ADK: variants seen among roughly 807,000 people sequenced by gnomAD.
ADK encodes the protein N6,N6-dimethyladenosine kinase.
ADK carries 24 observed loss-of-function variants against 44.7 expected under a neutral mutation model. That is an observed-to-expected ratio of 0.54 (90% confidence interval 0.39 to 0.76). The LOEUF (loss-of-function observed/expected upper bound fraction) is 0.76. Ranked by LOEUF, ADK falls within the 30% of genes least tolerant of loss-of-function variation. The probability of loss-of-function intolerance (pLI) is 0.00; values close to 1 mark genes in which losing one functional copy is unlikely to be tolerated. For synonymous variants in ADK, 128 were observed against 142.6 expected, an observed-to-expected ratio of 0.90 and a Z score of 0.73; for missense variants, 321 against 425.1, an observed-to-expected ratio of 0.76 and a Z score of 2.15.
In ADK at chr10:74,461,445, G is replaced by T. The variant is rs973619619; in HGVS notation, c.555+62866G>T. On this transcript the variant is annotated intron_variant, in intron 6 of 10. Coordinates refer to ENST00000539909, the MANE Select transcript of ADK (RefSeq NM_006721.4). ...GCATTTCAATTAATTGTTTCATTCT[G>T]ATTTGAAATGTGACTTATGTTAGAT... 2.6e-5 allele frequency among the ~76,000 whole-genome samples: 4 copies of T among 152,084 alleles called. No homozygotes were observed. The East Asian group carries it at 7.7e-4, about 29-fold the overall frequency.
chr10:74,561,042 T>C (rs1850440897), intron 7 of ADK, among the ~76,000 whole-genome samples: 1 of 152,164 alleles, frequency 6.6e-6, no homozygotes, highest in African/African-American at 2.4e-5. Context: ...AACAACAAAA[T>C]TGTCAGTCTC....
At chr10:74,637,869 TTTG>T (rs1564830798) in intron 9 of ADK, among the ~76,000 whole-genome samples, 1 of 152,264 alleles carries the variant, frequency 6.6e-6, no homozygotes, top group South Asian at 2.1e-4. Flanking sequence ...AATTGATATG[TTTG>T]TTGTTTTGAT....
chr10:74,442,329 C>T (rs990162416), intron 6 of ADK, among the ~76,000 whole-genome samples: 5 of 152,114 alleles, frequency 3.3e-5, no homozygotes, highest in African/African-American at 1.2e-4. Flanking sequence ...TATAATCCAA[C>T]AATCTCATTT....
intron 7 of ADK, among the ~76,000 whole-genome samples, chr10:74,539,430 A>G (rs1019279369): frequency 6.6e-6 from 1 of 152,174 alleles, no homozygotes; most frequent in Non-Finnish European, 1.5e-5. Context: ...TTCTTTCTTC[A>G]TATCAGAATA....
chr10:74,558,200 TTAAA>T (rs1850330737), intron 7 of ADK, among the ~76,000 whole-genome samples: 1 of 152,224 alleles, frequency 6.6e-6, no homozygotes, highest in South Asian at 2.1e-4. Context: ...TTCTGTTTTC[TTAAA>T]TTTATTTATT....
At chr10:74,331,365 T>C (rs1236375775) in intron 4 of ADK, among the ~76,000 whole-genome samples, 2 of 152,240 alleles carry the variant, frequency 1.3e-5, no homozygotes, top group Non-Finnish European at 2.9e-5. Context: ...TAATGAAGAT[T>C]ATGCAAGTTA....
rs144761723 is a variant in ADK, at chr10:74,443,657, C to G, written c.555+45078C>G. ...ACATCTCCGTCAATATACTAAAAATCACGAATTGTATGCTTTAAATGCAAT... is the reference window on the plus strand; with the variant it reads ...ACATCTCCGTCAATATACTAAAAATGACGAATTGTATGCTTTAAATGCAAT... On this transcript the variant is annotated intron_variant, in intron 6 of 10. Transcript: ENST00000539909. Among the ~76,000 whole-genome samples the G allele has an allele frequency of 7.1e-4, 108 of 152,194 alleles. 1 individual carries two copies. The East Asian group carries it at 0.02, about 29-fold the overall frequency.
At chr10:74,464,702 G>T (rs1389468023) in intron 6 of ADK, among the ~76,000 whole-genome samples, 1 of 152,104 alleles carries the variant, frequency 6.6e-6, no homozygotes, top group Admixed American at 6.6e-5. Flanking sequence ...ACAGAAGCAG[G>T]CCAGGCACAG....
At chr10:74,453,746 A>G (rs966902368) in intron 6 of ADK, among the ~76,000 whole-genome samples, 3 of 152,100 alleles carry the variant, frequency 2.0e-5, no homozygotes, top group Admixed American at 2.0e-4. Context: ...TTATAATTCA[A>G]TAGCTTAATA....
At chr10:74,155,322 A>G (rs1259613103) in intron 1 of ADK, among the ~76,000 whole-genome samples, 1 of 151,986 alleles carries the variant, frequency 6.6e-6, no homozygotes, top group Non-Finnish European at 1.5e-5. Context: ...CGAATCTTTA[A>G]AAAAAACGAA....
At chr10:74,400,355 T>G (rs1843665854) in intron 6 of ADK, among the ~76,000 whole-genome samples, 1 of 152,182 alleles carries the variant, frequency 6.6e-6, no homozygotes, top group African/African-American at 2.4e-5. Flanking sequence ...AAAATAGTTC[T>G]GAAAATAGTA....
intron 3 of ADK, among the ~76,000 whole-genome samples, chr10:74,228,911 G>A (rs1029207544): frequency 3.3e-5 from 5 of 151,872 alleles, no homozygotes; most frequent in African/African-American, 2.4e-5. Flanking sequence ...TTTGCTATAA[G>A]GCAAGGGGAA....
chr10:74,613,447 A>G (rs1852630782), intron 9 of ADK, among the ~76,000 whole-genome samples: 1 of 152,098 alleles, frequency 6.6e-6, no homozygotes, highest in Non-Finnish European at 1.5e-5. Context: ...CGATCCTTCA[A>G]AATCCATCCA....
intron 1 of ADK, among the ~76,000 whole-genome samples, chr10:74,164,467 C>T (rs1313815112): frequency 1.3e-5 from 2 of 152,132 alleles, no homozygotes; most frequent in Admixed American, 1.3e-4. Context: ...ACCTGGGAGG[C>T]AGAGGTTGCA....
intron 6 of ADK, among the ~76,000 whole-genome samples, chr10:74,406,925 T>C (rs2132922214): frequency 6.6e-6 from 1 of 151,996 alleles, no homozygotes; most frequent in East Asian, 1.9e-4. Flanking sequence ...ATGATCTGCT[T>C]GCCTCGGCCT....
chr10:74,524,166 AAT>A (rs1203190774), intron 6 of ADK, among the ~76,000 whole-genome samples: 1 of 152,252 alleles, frequency 6.6e-6, no homozygotes, highest in East Asian at 1.9e-4. Context: ...AGAAAGCATG[AAT>A]ATGTTTTAAT....
At chr10:74,296,689 G>T (rs1456928585) in intron 3 of ADK, among the ~76,000 whole-genome samples, 1 of 149,324 alleles carries the variant, frequency 6.7e-6, no homozygotes, top group South Asian at 2.1e-4. Context: ...TTGGCTCACT[G>T]CAAGCCCCGC....
chr10:74,197,772 C>G (rs574368242), intron 1 of ADK, among the ~76,000 whole-genome samples: 16 of 150,832 alleles, frequency 1.1e-4, no homozygotes, highest in Admixed American at 5.9e-4. Flanking sequence ...GTACTTCATT[C>G]TTAGAATCAA....
chr10:74,390,310 G>A lies in ADK; in HGVS notation c.274-3831G>A, dbSNP rs2132033255. Among the ~76,000 whole-genome samples the A allele has an allele frequency of 2.6e-5, 4 of 152,116 alleles. No homozygotes were observed. In the South Asian group the frequency reaches 8.3e-4, roughly 32 times the overall value. ...CTGCTTCATGTTATTTACTCATTTT[G>A]ATAAATGGAGTGATAATATCCAAAA... On this transcript the variant is annotated intron_variant, in intron 4 of 10. Coordinates refer to ENST00000539909, the MANE Select transcript of ADK (RefSeq NM_006721.4).
Sources: allele counts gnomAD v4.1 joint callset (sites outside exome capture counted in the v4.1 genomes callset), GRCh38; gene constraint gnomAD v4.1.1; transcripts MANE v1.5; gene names NCBI Gene and HGNC (gene_info 2026-07-23, HGNC 2026-07-21).